Variants in PHYHIP observed in about 807,000 individuals in gnomAD.
PHYHIP encodes the protein phytanoyl-CoA 2-hydroxylase interacting protein.
Under a neutral mutation model 26.1 loss-of-function variants are expected in PHYHIP, and 7 were observed. The ratio of observed to expected loss-of-function variants is 0.27; its 90% CI spans 0.15 to 0.50. PHYHIP has a LOEUF of 0.50. Ranked by LOEUF, PHYHIP falls within the 20% of genes least tolerant of loss-of-function variation. The pLI, the probability that PHYHIP is intolerant of heterozygous loss-of-function variation, is 0.98. For missense variants in PHYHIP, 232 were observed against 454.7 expected (o/e 0.51, Z 4.45); for synonymous variants, 206 against 183.4 (o/e 1.12, Z -1.00).
intron 1 of PHYHIP, among the ~76,000 whole-genome samples, chr8:22,230,832 T>A (rs898513373): frequency 2.0e-5 from 3 of 152,054 alleles, no homozygotes; most frequent in African/African-American, 7.2e-5. Flanking sequence ...CATGTTCATG[T>A]CCACAGGCTC....
At chr8:22,227,165 TA>T in intron 2 of PHYHIP, 140 bp from the exon 3 acceptor site, 1 of 748,686 alleles carries the variant, frequency 1.3e-6, no homozygotes. Flanking sequence ...AATGGCTCCA[TA>T]CCCTGGCCAC....
At chr8:22,224,462 G>T in intron 3 of PHYHIP, 119 bp from the exon 4 acceptor site, 1 of 671,538 alleles carries the variant, frequency 1.5e-6, no homozygotes, top group East Asian at 2.6e-5. Context: ...CAGAGCAGCA[G>T]GGGAGACTAG....
chr8:22,220,038 A>C lies in PHYHIP; in HGVS notation c.*1315T>G, dbSNP rs371879725. 4 of 152,452 alleles carry C rather than the reference A, an allele frequency of 2.6e-5. No individual in the cohort carries two copies. The highest frequency in any genetic ancestry group is 2.6e-4 in the Admixed American group (4 of 15,292). 9.4% of individuals were successfully genotyped at this position (152,452 alleles called of 1,614,324 possible). A position where few individuals can be genotyped will look rare whatever the true frequency, so the allele number is the denominator to read the frequency against. ...CGGCCCGCTGCTGCTTCCGTCCTTC[A>C]TCACGAAAATCCAGCTGCTCATCCA... is the stretch of plus-strand genomic sequence containing the variant. On this transcript the variant is annotated 3_prime_UTR_variant, in exon 5 of 5. Transcript: ENST00000454243.
chr8:22,224,409 C>A (rs1352955748), intron 3 of PHYHIP, 66 bp from the exon 4 acceptor site: 13 of 860,982 alleles, frequency 1.5e-5, no homozygotes, highest in Non-Finnish European at 2.3e-5. Flanking sequence ...CCTCCTGTCC[C>A]CACCCCACCC....
chr8:22,228,048 A>G (rs1829787055), intron 2 of PHYHIP, 145 bp downstream of exon 2: 2 of 692,880 alleles, frequency 2.9e-6, no homozygotes, highest in Non-Finnish European at 5.0e-6. Flanking sequence ...AGAGAGGTCA[A>G]GTAACTTTCC....
chr8:22,229,467 G>A (rs1173149576), intron 1 of PHYHIP, among the ~76,000 whole-genome samples: 2 of 152,096 alleles, frequency 1.3e-5, no homozygotes, highest in African/African-American at 4.8e-5. Flanking sequence ...GGTATGAGAG[G>A]ACCTCATCAC....
chr8:22,227,719 G>A (rs1047892785), intron 2 of PHYHIP: 5 of 456,914 alleles, frequency 1.1e-5, no homozygotes, highest in African/African-American at 6.0e-5. Flanking sequence ...GGGCCCGAGA[G>A]GGAGAACTGA....
intron 4 of PHYHIP, 27 bp downstream of exon 4, chr8:22,224,199 G>A (rs1192636013): frequency 7.3e-7 from 1 of 1,368,260 alleles, no homozygotes; most frequent in Non-Finnish European, 1.0e-6. Flanking sequence ...AGGCCCGGCG[G>A]GTCCAGCCGG....
Position 22,221,937 on chromosome 8 carries a change from G to C in PHYHIP, c.459-50C>G, listed in dbSNP as rs1341127506. ...AAAGGGAAGAGAAGATGTGGCTGGTGAGCCGGGCTGAGGCTTGGCTGCTGC... is the reference window on the plus strand; with the variant it reads ...AAAGGGAAGAGAAGATGTGGCTGGTCAGCCGGGCTGAGGCTTGGCTGCTGC... On this transcript the variant is annotated intron_variant, in intron 4 of 4. Coordinates refer to ENST00000454243, the MANE Select transcript of PHYHIP (RefSeq NM_014759.5). This position sits in a 1 kb window ranked among gnomAD's most constrained non-coding sequence, Gnocchi z 7.9. The C allele has an allele frequency of 1.4e-5, 20 of 1,427,756 alleles. No individual in the cohort carries two copies. The highest frequency in any genetic ancestry group is 1.8e-5 in the Non-Finnish European group (19 of 1,077,386). 88.4% of individuals were successfully genotyped at this position (1,427,756 alleles called of 1,614,324 possible). A position where few individuals can be genotyped will look rare whatever the true frequency, so the allele number is the denominator to read the frequency against.
In PHYHIP at chr8:22,227,039, TACAA is replaced by T. The variant is rs745517763; in HGVS notation, c.166-18_166-15del. 1.3e-6 allele frequency: 2 copies of T among 1,598,778 alleles called. No individual in the cohort carries two copies. The highest frequency in any genetic ancestry group is 2.2e-5 in the East Asian group (1 of 44,606). On this transcript the variant is annotated splice_polypyrimidine_tract_variant and intron_variant, in intron 2 of 4. Transcript: ENST00000454243. Reference sequence around the variant, plus strand: ...GGTGGGGACGTCCTGAGAAACAGGGTACAAACAGAGAGCCAGGCGTCAAACAGGG... The same window carrying T: ...GGTGGGGACGTCCTGAGAAACAGGGTACAGAGAGCCAGGCGTCAAACAGGG...
At chr8:22,227,707 A>G (rs1203292010) in intron 2 of PHYHIP, 2 of 456,568 alleles carry the variant, frequency 4.4e-6, no homozygotes, top group Non-Finnish European at 8.8e-6. Context: ...CCAGCAGGTG[A>G]GGGGCCCGAG....
chr8:22,226,007 T>C (rs1239564147), intron 3 of PHYHIP, among the ~76,000 whole-genome samples: 1 of 151,894 alleles, frequency 6.6e-6, no homozygotes, highest in Non-Finnish European at 1.5e-5. Flanking sequence ...ACCAAAAGAA[T>C]GTAATCTTGT....
chr8:22,221,235 G>A lies in PHYHIP; in HGVS notation c.*118C>T, dbSNP rs565074652. On this transcript the variant is annotated 3_prime_UTR_variant, in exon 5 of 5. Transcript: ENST00000454243. The surrounding 1 kb of genome is among the most constrained non-coding windows in gnomAD (Gnocchi z 7.9). The stretch of plus-strand genomic sequence containing the variant: ...AATGCCAAGGGGCGAGGGGAGGGCA[G>A]CTGGGCAGAGTGGAGGGAGCAGGGG... 334 of 999,404 alleles carry A rather than the reference G, an allele frequency of 3.3e-4. 1 individual carries two copies. The South Asian group carries it at 5.5e-3, about 16-fold the overall frequency. The allele number at this position is 999,404 out of a possible 1,614,324, so 61.9% of individuals were successfully genotyped here. A position where few individuals can be genotyped will look rare whatever the true frequency, so the allele number is the denominator to read the frequency against.
Position 22,221,743 on chromosome 8 carries a change from G to A in PHYHIP, c.603C>T (p.Tyr201=), listed in dbSNP as rs755440911. The A allele has an allele frequency of 3.4e-5, 55 of 1,613,112 alleles. No homozygotes were observed. Among genetic ancestry groups the A allele is most frequent in the Admixed American group, 8.3e-5 (5 of 59,920 alleles). The change falls in exon 5 of 5, where the codon TAC becomes TAT. Residue 201 remains tyrosine (Y), a synonymous_variant. Transcript: ENST00000454243. The surrounding 1 kb of genome is among the most constrained non-coding windows in gnomAD (Gnocchi z 7.9). Reference sequence around the variant, plus strand: ...CTGGGATCTGGAAGCGCCAGCGGCCGTAGGGGGAGTCCTGCGGGGGCTGGC... The same window carrying A: ...CTGGGATCTGGAAGCGCCAGCGGCCATAGGGGGAGTCCTGCGGGGGCTGGC... ...NTGQPPQDSP[Y]GRWRFQIPAQ...
At chr8:22,222,302 A>G (rs1829647534) in intron 4 of PHYHIP, among the ~76,000 whole-genome samples, 1 of 151,954 alleles carries the variant, frequency 6.6e-6, no homozygotes, top group Non-Finnish European at 1.5e-5. Flanking sequence ...TGCTGCACTG[A>G]CTGCCCTCTC....
Position 22,232,094 on chromosome 8 carries a change from AG to A in PHYHIP, c.-329del, listed in dbSNP as rs1288133277. The A allele has an allele frequency of 1.3e-5, 2 of 153,958 alleles. No individual in the cohort carries two copies. The highest frequency in any genetic ancestry group is 4.8e-5 in the African/African-American group (2 of 41,450). The allele number at this position is 153,958 out of a possible 1,614,324, so 9.5% of individuals were successfully genotyped here. On this transcript the variant is annotated 5_prime_UTR_variant, in exon 1 of 5. Transcript: ENST00000454243. Reference sequence around the variant, plus strand: ...TGGAGGAGAGAGAGGCAGAGAAGGGAGAAAGAACGAGAGAGCCAGACCGAAT... The same window carrying A: ...TGGAGGAGAGAGAGGCAGAGAAGGGAAAAGAACGAGAGAGCCAGACCGAAT...
intron 4 of PHYHIP, among the ~76,000 whole-genome samples, chr8:22,223,220 G>A (rs893916224): frequency 1.3e-5 from 2 of 151,894 alleles, no homozygotes; most frequent in African/African-American, 4.8e-5. Context: ...AAATTAGCCG[G>A]GCATGGTGGC....
rs764377851 is a variant in PHYHIP, at chr8:22,221,318, C to T, written c.*35G>A. The T allele has an allele frequency of 1.3e-6, 2 of 1,524,874 alleles. No individual in the cohort carries two copies. The highest frequency in any genetic ancestry group is 2.8e-5 in the African/African-American group (2 of 72,158). The allele number at this position is 1,524,874 out of a possible 1,614,324, so 94.5% of individuals were successfully genotyped here. ...GGGCTACCCACCTCCACCTTCCGCT[C>T]ATCTCTCCCTCGCCCCCCAGCTCCC... On this transcript the variant is annotated 3_prime_UTR_variant, in exon 5 of 5. Transcript: ENST00000454243. This position sits in a 1 kb window ranked among gnomAD's most constrained non-coding sequence, Gnocchi z 7.9.
At chr8:22,231,017 T>C (rs1192693187) in intron 1 of PHYHIP, among the ~76,000 whole-genome samples, 1 of 152,306 alleles carries the variant, frequency 6.6e-6, no homozygotes, top group East Asian at 1.9e-4. Flanking sequence ...AGTCTGGTAT[T>C]CTCTCTCGAA....
Sources: gnomAD v4.1 joint callset for allele counts (sites outside exome capture counted in the v4.1 genomes callset) on GRCh38, gnomAD v4.1.1 for gene constraint, Gnocchi (gnomAD v3.1) non-coding constraint, MANE v1.5 for transcripts, NCBI Gene and HGNC (gene_info 2026-07-23, HGNC 2026-07-21) for gene names.